OR6N1: variants seen among roughly 807,000 people sequenced by gnomAD.
OR6N1 encodes olfactory receptor 6N1.
For synonymous variants in OR6N1, 170 were observed against 150.7 expected, an observed-to-expected ratio of 1.13 and a Z score of -0.94; for missense variants, 394 against 371.7, an observed-to-expected ratio of 1.06 and a Z score of -0.49.
intron 1 of OR6N1, among the ~76,000 whole-genome samples, chr1:158,767,117 T>C (rs1265208432): frequency 1.3e-5 from 2 of 152,234 alleles, no homozygotes; most frequent in Admixed American, 6.5e-5. Flanking sequence ...CAAATATATA[T>C]AATTTGAATA....
intron 1 of OR6N1, among the ~76,000 whole-genome samples, chr1:158,770,166 G>T (rs1285692488): frequency 1.3e-5 from 2 of 152,176 alleles, no homozygotes; most frequent in African/African-American, 4.8e-5. Flanking sequence ...GATTGAATAT[G>T]AGAAGCCAGT....
chr1:158,781,611 C>T, the OR6N1 span, among the ~76,000 whole-genome samples: 2 of 152,164 alleles, frequency 1.3e-5, no homozygotes, highest in East Asian at 1.9e-4. Flanking sequence ...CTCCGAAATC[C>T]GAAGAGACAC....
chr1:158,766,593 C>A lies in OR6N1; in HGVS notation c.90G>T (p.Leu30Phe). 6.2e-7 allele frequency: 1 copy of A among 1,613,968 alleles called. No homozygotes were observed. Among genetic ancestry groups the A allele is most frequent in the Non-Finnish European group, 8.5e-7 (1 of 1,179,962 alleles). ...LQGVQIYLFL[L>F]LLLIYLMTVL... The stretch of plus-strand genomic sequence containing the variant: ...CAGTCATGAGGTAAATGAGAAGCAA[C>A]AAGAGGAAGAGATAAATCTGGACAC... Residue 30 changes from leucine (L) to phenylalanine (F), a missense_variant, in exon 2 of 2, where the codon TTG becomes TTT. Physicochemically the swap from Leu to Phe is conservative, Grantham distance 22. Coordinates refer to ENST00000641846, the MANE Select transcript of OR6N1 (RefSeq NM_001005185.2).
At chr1:158,834,823 A>T in the OR6N1 span, among the ~76,000 whole-genome samples, 23 of 152,314 alleles carry the variant, frequency 1.5e-4, no homozygotes, top group South Asian at 4.6e-3. Context: ...TAAGGGTTCA[A>T]CTTTTTGTAT....
the OR6N1 span, among the ~76,000 whole-genome samples, chr1:158,784,273 C>T: frequency 6.6e-6 from 1 of 152,120 alleles, no homozygotes; most frequent in African/African-American, 2.4e-5. Flanking sequence ...GAGTATCCAT[C>T]TTTCTTTTGT....
At chr1:158,767,719 C>G (rs541205212) in intron 1 of OR6N1, among the ~76,000 whole-genome samples, 2 of 152,214 alleles carry the variant, frequency 1.3e-5, no homozygotes, top group South Asian at 2.1e-4. Flanking sequence ...AAAGCAAGAG[C>G]CTTAAATTCT....
At chr1:158,792,498 C>G in the OR6N1 span, among the ~76,000 whole-genome samples, 1 of 152,092 alleles carries the variant, frequency 6.6e-6, no homozygotes, top group Non-Finnish European at 1.5e-5. Context: ...TTAGGAGTTT[C>G]TATTCTGATG....
chr1:158,804,399 A>G, the OR6N1 span, among the ~76,000 whole-genome samples: 1 of 152,162 alleles, frequency 6.6e-6, no homozygotes, highest in Non-Finnish European at 1.5e-5. Context: ...ATTTTGTTGT[A>G]TTTTGTTATT....
chr1:158,805,990 T>C, the OR6N1 span, among the ~76,000 whole-genome samples: 4 of 152,198 alleles, frequency 2.6e-5, no homozygotes, highest in Non-Finnish European at 5.9e-5. Flanking sequence ...AGAATTGCTA[T>C]AACAGTTTTA....
chr1:158,777,221 T>C, the OR6N1 span: 1 of 1,613,946 alleles, frequency 6.2e-7, no homozygotes, highest in Non-Finnish European at 8.5e-7. Flanking sequence ...GCACAGAGTG[T>C]GGTGGTCATA....
chr1:158,811,606 A>C, the OR6N1 span, among the ~76,000 whole-genome samples: 3 of 152,230 alleles, frequency 2.0e-5, no homozygotes, highest in Non-Finnish European at 4.4e-5. Context: ...TATAAATAAC[A>C]GATTGAAGCC....
chr1:158,831,114 G>C, the OR6N1 span, among the ~76,000 whole-genome samples: 3 of 152,270 alleles, frequency 2.0e-5, no homozygotes, highest in African/African-American at 7.2e-5. Flanking sequence ...CTATATGTAA[G>C]TTAGCTTTAT....
rs1203225736 is a variant in OR6N1 at position 158,765,297 on chromosome 1, C to CT, written c.*446dup. On this transcript the variant is annotated 3_prime_UTR_variant, in exon 2 of 2. Coordinates refer to ENST00000641846, the MANE Select transcript of OR6N1 (RefSeq NM_001005185.2). ...GATATATATGAGTTCAAAAAACATG[C>CT]TTTTTTCTACTGTACCAGTCTTCTC... 9 of 152,850 alleles carry CT rather than the reference C, an allele frequency of 5.9e-5. No homozygotes were observed. Among genetic ancestry groups the CT allele is most frequent in the Non-Finnish European group, 1.2e-4 (8 of 68,586 alleles). 9.5% of individuals were successfully genotyped at this position (152,850 alleles called of 1,614,324 possible). A position where few individuals can be genotyped will look rare whatever the true frequency, so the allele number is the denominator to read the frequency against.
chr1:158,798,493 T>C, the OR6N1 span, among the ~76,000 whole-genome samples: 1 of 151,850 alleles, frequency 6.6e-6, no homozygotes, highest in Non-Finnish European at 1.5e-5. Context: ...TATGGAAGTA[T>C]TTTCTTTAAA....
the OR6N1 span, among the ~76,000 whole-genome samples, chr1:158,781,855 G>A: frequency 6.6e-6 from 1 of 152,216 alleles, no homozygotes. Context: ...TAAGCACAAT[G>A]TATGCACAGT....
rs1024082216 is a variant in OR6N1, at chr1:158,764,773, T to C, written c.*971A>G. On this transcript the variant is annotated 3_prime_UTR_variant, in exon 2 of 2. Coordinates refer to ENST00000641846, the MANE Select transcript of OR6N1 (RefSeq NM_001005185.2). Reference sequence around the variant, plus strand: ...ACAATTCAATAAAGAAATGGTTCGATGTAAAAAGTAATCCTATTTCTTTCC... The same window carrying C: ...ACAATTCAATAAAGAAATGGTTCGACGTAAAAAGTAATCCTATTTCTTTCC... 2.0e-5 allele frequency: 3 copies of C among 152,158 alleles called. No individual in the cohort carries two copies. Among genetic ancestry groups the C allele is most frequent in the African/African-American group, 7.2e-5 (3 of 41,462 alleles). 9.4% of individuals were successfully genotyped at this position (152,158 alleles called of 1,614,324 possible).
the OR6N1 span, among the ~76,000 whole-genome samples, chr1:158,840,321 G>A: frequency 3.9e-5 from 6 of 152,084 alleles, no homozygotes; most frequent in South Asian, 1.2e-3. Context: ...TCACAGTTCC[G>A]CACGGCTGGG....
At chr1:158,835,646 T>C in the OR6N1 span, among the ~76,000 whole-genome samples, 7 of 149,962 alleles carry the variant, frequency 4.7e-5, 1 homozygote, top group Admixed American at 4.6e-4. Flanking sequence ...AAACCCTCAG[T>C]ACTATCTCAA....
the OR6N1 span, chr1:158,777,459 C>T: frequency 5.6e-6 from 9 of 1,614,088 alleles, no homozygotes; most frequent in Non-Finnish European, 7.6e-6. Context: ...CAAAGTGGTA[C>T]ATAGGTGTGT....
Sources: allele counts gnomAD v4.1 joint callset (sites outside exome capture counted in the v4.1 genomes callset), GRCh38; gene constraint gnomAD v4.1.1; transcripts MANE v1.5; gene names NCBI Gene and HGNC (gene_info 2026-07-23, HGNC 2026-07-21).